TSPAN18: variants seen among roughly 807,000 people sequenced by gnomAD.
TSPAN18 encodes tetraspanin-18.
A neutral mutation model predicts 27.3 loss-of-function variants in TSPAN18; 14 were observed. The ratio of observed to expected loss-of-function variants is 0.51; its 90% CI spans 0.34 to 0.80. The LOEUF is 0.80. Ranked by LOEUF, TSPAN18 falls within the 30% of genes least tolerant of loss-of-function variation. TSPAN18 has a pLI of 0.01. For missense variants in TSPAN18, 268 were observed against 323.9 expected, an observed-to-expected ratio of 0.83 and a Z score of 1.32; for synonymous variants, 143 against 136.5, an observed-to-expected ratio of 1.05 and a Z score of -0.33.
intron 8 of TSPAN18, among the ~76,000 whole-genome samples, chr11:44,924,622 G>T: frequency 6.6e-6 from 1 of 152,162 alleles, no homozygotes; most frequent in Non-Finnish European, 1.5e-5. Flanking sequence ...GAGGGCCGAG[G>T]CATCCCCTGC....
At chr11:44,750,468 T>C (rs967323855) in intron 1 of TSPAN18, among the ~76,000 whole-genome samples, 2 of 152,168 alleles carry the variant, frequency 1.3e-5, no homozygotes, top group African/African-American at 4.8e-5. Context: ...GAAAATGTAT[T>C]TGACAAAATA....
intron 2 of TSPAN18, among the ~76,000 whole-genome samples, chr11:44,859,174 G>C (rs1363180470): frequency 3.9e-5 from 6 of 152,206 alleles, no homozygotes; most frequent in Non-Finnish European, 8.8e-5. Context: ...AGGTCTCTGA[G>C]ACGCAGAGAA....
chr11:44,907,750 G>A (rs939886475), intron 4 of TSPAN18, among the ~76,000 whole-genome samples: 5 of 152,142 alleles, frequency 3.3e-5, no homozygotes, highest in South Asian at 2.1e-4. Context: ...GAGGTTGTGC[G>A]GGAGACCAAC....
At chr11:44,895,690 A>G (rs1204926363) in intron 3 of TSPAN18, among the ~76,000 whole-genome samples, 2 of 122,560 alleles carry the variant, frequency 1.6e-5, no homozygotes, top group Non-Finnish European at 3.7e-5. Context: ...GGAGGCAGGC[A>G]ACCGCCAGAC....
chr11:44,764,151 A>G (rs1471783748), intron 1 of TSPAN18, among the ~76,000 whole-genome samples: 1 of 152,170 alleles, frequency 6.6e-6, no homozygotes, highest in African/African-American at 2.4e-5. Context: ...TAACCCATTC[A>G]TGAGAAACTA....
intron 2 of TSPAN18, among the ~76,000 whole-genome samples, chr11:44,805,377 A>T (rs1383935147): frequency 1.3e-5 from 2 of 152,190 alleles, no homozygotes; most frequent in African/African-American, 4.8e-5. Flanking sequence ...TACATATGTA[A>T]GCTGCTTCCA....
At chr11:44,921,157 T>C (rs1189845709) in intron 8 of TSPAN18, among the ~76,000 whole-genome samples, 2 of 152,106 alleles carry the variant, frequency 1.3e-5, no homozygotes, top group Admixed American at 6.5e-5. Context: ...CCTTCCTGCA[T>C]TGGGGGAAAG....
rs775147085 is a variant in TSPAN18 at position 44,919,916 on chromosome 11, C to T, written c.532C>T (p.Arg178Trp). The change falls in exon 8 of 10, where the codon CGG becomes TGG. Residue 178 changes from arginine to tryptophan, a missense_variant. Arg to Trp is a moderately radical substitution (Grantham distance 101, BLOSUM62 -3). Coordinates refer to ENST00000520358, the MANE Select transcript of TSPAN18 (RefSeq NM_130783.5). ...TGAAGAGGTGCCGGAGGCCTGCTGCCGGAGGGAACCCCAAAGTCGGGACGG... is the reference window on the plus strand; with the variant it reads ...TGAAGAGGTGCCGGAGGCCTGCTGCTGGAGGGAACCCCAAAGTCGGGACGG... ...DSEEVPEACC[R>W]REPQSRDGVL... 52 of 1,614,072 alleles carry T rather than the reference C, an allele frequency of 3.2e-5. No individual in the cohort carries two copies. The highest frequency in any genetic ancestry group is 4.0e-5 in the Non-Finnish European group (47 of 1,180,038).
intron 2 of TSPAN18, among the ~76,000 whole-genome samples, chr11:44,820,798 A>G (rs1224269894): frequency 1.3e-5 from 2 of 151,874 alleles, no homozygotes; most frequent in Non-Finnish European, 2.9e-5. Flanking sequence ...TGAGTAAATT[A>G]TTGCTTTATT....
intron 2 of TSPAN18, among the ~76,000 whole-genome samples, chr11:44,799,415 A>G (rs1262277386): frequency 6.6e-6 from 1 of 152,170 alleles, no homozygotes; most frequent in Non-Finnish European, 1.5e-5. Context: ...AAGTTTTATT[A>G]GATTAGCAAG....
intron 2 of TSPAN18, among the ~76,000 whole-genome samples, chr11:44,852,958 C>T (rs1266411683): frequency 6.6e-6 from 1 of 152,186 alleles, no homozygotes; most frequent in East Asian, 1.9e-4. Flanking sequence ...TCTACCAAAA[C>T]GTCCATTCAT....
intron 3 of TSPAN18, among the ~76,000 whole-genome samples, chr11:44,895,949 C>T (rs980054592): frequency 5.9e-5 from 9 of 152,130 alleles, no homozygotes; most frequent in Admixed American, 1.3e-4. Flanking sequence ...TGAAATCTCC[C>T]GAGGATGCTT....
chr11:44,877,213 G>A (rs1051663421), intron 3 of TSPAN18, among the ~76,000 whole-genome samples: 5 of 152,264 alleles, frequency 3.3e-5, no homozygotes, highest in African/African-American at 1.2e-4. Context: ...TACGACGTCT[G>A]CAGGGTATGG....
chr11:44,783,123 C>T (rs536074898), intron 2 of TSPAN18, among the ~76,000 whole-genome samples: 7 of 152,304 alleles, frequency 4.6e-5, no homozygotes, highest in South Asian at 4.1e-4. Flanking sequence ...CCATCACACA[C>T]GGCCTCTTTT....
At chr11:44,909,429 TAGCC>T in intron 4 of TSPAN18, 1 of 405,722 alleles carries the variant, frequency 2.5e-6, no homozygotes, top group Non-Finnish European at 4.4e-6. Flanking sequence ...AATTGGCAAA[TAGCC>T]TTTATGTGAT....
At chr11:44,849,380 CAGA>C (rs1857550127) in intron 2 of TSPAN18, among the ~76,000 whole-genome samples, 1 of 152,138 alleles carries the variant, frequency 6.6e-6, no homozygotes, top group Non-Finnish European at 1.5e-5. Context: ...AAGCAGAAGG[CAGA>C]AGAAGTAGCT....
Position 44,765,295 on chromosome 11 carries a change from A to G in TSPAN18, c.-153+783A>G, listed in dbSNP as rs188843686. Among the ~76,000 whole-genome samples the G allele has an allele frequency of 8.5e-5, 13 of 152,270 alleles. No individual in the cohort carries two copies. The East Asian group carries it at 1.5e-3, about 18-fold the overall frequency. On this transcript the variant is annotated intron_variant, in intron 2 of 9. Coordinates refer to ENST00000520358, the MANE Select transcript of TSPAN18 (RefSeq NM_130783.5). ...GACCAGGGCTGAAATAGAAGAAGTG[A>G]CAGGTCAGGGGTTGGGAGGTTGTGG...
intron 3 of TSPAN18, among the ~76,000 whole-genome samples, chr11:44,878,449 G>A (rs1234514299): frequency 6.6e-6 from 1 of 152,130 alleles, no homozygotes; most frequent in African/African-American, 2.4e-5. Context: ...GGAACAAGCA[G>A]GAGGAAAGGA....
intron 3 of TSPAN18, among the ~76,000 whole-genome samples, chr11:44,873,078 C>T (rs1858238663): frequency 6.6e-6 from 1 of 152,054 alleles, no homozygotes; most frequent in Admixed American, 6.6e-5. Flanking sequence ...AGAAGATGGT[C>T]GAAATGCTTG....
Sources: gnomAD v4.1 joint callset for allele counts (sites outside exome capture counted in the v4.1 genomes callset) on GRCh38, gnomAD v4.1.1 for gene constraint, MANE v1.5 for transcripts, NCBI Gene and HGNC (gene_info 2026-07-23, HGNC 2026-07-21) for gene names.